The following REC114 variants were observed in gnomAD, a reference collection of about 807,000 sequenced individuals.
The protein encoded by REC114 is meiotic recombination protein REC114.
Under a neutral mutation model 31.3 loss-of-function variants are expected in REC114, and 27 were observed. The ratio of observed to expected loss-of-function variants is 0.86; its 90% CI spans 0.64 to 1.19. The LOEUF (loss-of-function observed/expected upper bound fraction) is 1.19, where lower values mean the gene tolerates loss of function less well. REC114 is among the 50% of genes most tolerant of loss of function. The probability of loss-of-function intolerance (pLI) is 0.00; values close to 1 mark genes in which losing one functional copy is unlikely to be tolerated. For synonymous variants in REC114, 134 were observed against 127.7 expected, an observed-to-expected ratio of 1.05 and a Z score of -0.33; for missense variants, 344 against 326.9, an observed-to-expected ratio of 1.05 and a Z score of -0.40.
intron 5 of REC114, among the ~76,000 whole-genome samples, chr15:73,557,320 T>C (rs939010919): frequency 7.3e-5 from 11 of 151,238 alleles, no homozygotes; most frequent in Non-Finnish European, 1.2e-4. Flanking sequence ...TTCCCCCACC[T>C]TGGGCTCCCA....
intron 2 of REC114, among the ~76,000 whole-genome samples, chr15:73,517,475 T>C (rs948092920): frequency 6.6e-6 from 1 of 152,270 alleles, no homozygotes; most frequent in East Asian, 1.9e-4. Flanking sequence ...TTAAAAGATA[T>C]TTAAGAGCAA....
At chr15:73,499,142 A>G (rs934581769) in intron 2 of REC114, among the ~76,000 whole-genome samples, 7 of 152,026 alleles carry the variant, frequency 4.6e-5, no homozygotes, top group African/African-American at 1.7e-4. Context: ...CACTGTAAAG[A>G]AACACCTCTT....
At chr15:73,458,191 C>A (rs1892942906) in intron 1 of REC114, among the ~76,000 whole-genome samples, 2 of 152,162 alleles carry the variant, frequency 1.3e-5, no homozygotes, top group African/African-American at 4.8e-5. Context: ...ATGGAACTTT[C>A]AATTTACAAA....
At chr15:73,500,976 A>G (rs1384697704) in intron 2 of REC114, among the ~76,000 whole-genome samples, 1 of 152,162 alleles carries the variant, frequency 6.6e-6, no homozygotes, top group East Asian at 1.9e-4. Flanking sequence ...GGGAGGAGTC[A>G]TCTGGCTTAC....
chr15:73,448,215 C>T (rs1427229464), intron 1 of REC114, among the ~76,000 whole-genome samples: 1 of 152,136 alleles, frequency 6.6e-6, no homozygotes, highest in Non-Finnish European at 1.5e-5. Flanking sequence ...GCGGGTCCCA[C>T]CCCAACAGAG....
At position 73,469,574 on chromosome 15, in the gene REC114, C is replaced by T. The variant is rs569135654; in HGVS notation, c.160-4258C>T. On this transcript the variant is annotated intron_variant, in intron 1 of 5. Transcript: ENST00000331090. ...CCTCCCAAGCAGCTGGGACTACAGG[C>T]GTGTACCACCGTGCCTGGCTAATTT... Among the ~76,000 whole-genome samples, 9 of 151,428 alleles carry T rather than the reference C, an allele frequency of 5.9e-5. No homozygotes were observed. In the South Asian group the frequency reaches 1.3e-3, roughly 21 times the overall value.
At chr15:73,524,084 C>T (rs1893974939) in intron 2 of REC114, among the ~76,000 whole-genome samples, 1 of 152,120 alleles carries the variant, frequency 6.6e-6, no homozygotes, top group Non-Finnish European at 1.5e-5. Context: ...CCAAAATAAA[C>T]ATCTACTAAC....
intron 2 of REC114, among the ~76,000 whole-genome samples, chr15:73,487,218 T>C (rs1893382831): frequency 6.6e-6 from 1 of 152,220 alleles, no homozygotes. Context: ...CCCAAAATTC[T>C]TGTTCTCACA....
At chr15:73,550,056 C>T (rs774121129) in intron 3 of REC114, among the ~76,000 whole-genome samples, 1 of 152,142 alleles carries the variant, frequency 6.6e-6, no homozygotes, top group African/African-American at 2.4e-5. Context: ...CTGTGCTAAG[C>T]TTAGCATCTA....
intron 1 of REC114, among the ~76,000 whole-genome samples, chr15:73,446,279 G>A (rs1595857145): frequency 6.6e-6 from 1 of 152,180 alleles, no homozygotes; most frequent in Non-Finnish European, 1.5e-5. Context: ...CGTCACATGT[G>A]TGCACACATG....
At chr15:73,459,078 C>T (rs1357934463) in intron 1 of REC114, among the ~76,000 whole-genome samples, 1 of 151,986 alleles carries the variant, frequency 6.6e-6, no homozygotes, top group African/African-American at 2.4e-5. Context: ...TGGCAGATGC[C>T]CCCAAAATAT....
At chr15:73,489,124 G>C (rs1038821986) in intron 2 of REC114, among the ~76,000 whole-genome samples, 71 of 151,984 alleles carry the variant, frequency 4.7e-4, no homozygotes, top group Non-Finnish European at 2.9e-5. Context: ...ATCCTCCATA[G>C]GGAAGGAAAA....
intron 2 of REC114, among the ~76,000 whole-genome samples, chr15:73,538,690 C>T (rs1397162086): frequency 6.6e-6 from 1 of 151,916 alleles, no homozygotes. Flanking sequence ...TCTCTGACCT[C>T]GTGATCCGCC....
At chr15:73,449,464 C>G (rs558690613) in intron 1 of REC114, among the ~76,000 whole-genome samples, 1 of 151,968 alleles carries the variant, frequency 6.6e-6, no homozygotes, top group Admixed American at 6.6e-5. Flanking sequence ...TGAAAAGAAA[C>G]GAACAAAGCC....
intron 3 of REC114, among the ~76,000 whole-genome samples, chr15:73,541,883 TCAAC>T (rs1421742859): frequency 6.6e-6 from 1 of 152,110 alleles, no homozygotes; most frequent in African/African-American, 2.4e-5. Context: ...AAAATAAAAA[TCAAC>T]CATAATTTGA....
chr15:73,460,647 G>A lies in REC114; in HGVS notation c.160-13185G>A, dbSNP rs375338602. Among the ~76,000 whole-genome samples, 8 of 152,162 alleles carry A rather than the reference G, an allele frequency of 5.3e-5. No homozygotes were observed. In the South Asian group the frequency reaches 1.2e-3, roughly 24 times the overall value. ...TGAGAGTTGCAGAGACCTAGGATAG[G>A]TTTGATAATGGGAAGTACCACTTTC... On this transcript the variant is annotated intron_variant, in intron 1 of 5. Transcript: ENST00000331090.
intron 3 of REC114, among the ~76,000 whole-genome samples, chr15:73,541,930 T>C (rs1456883586): frequency 6.6e-6 from 1 of 152,060 alleles, no homozygotes; most frequent in African/African-American, 2.4e-5. Flanking sequence ...ATTCTGAAGG[T>C]TTTACTAAGC....
chr15:73,540,402 C>G (rs943756580), intron 2 of REC114, 83 bp from the exon 3 acceptor site: 11 of 1,005,082 alleles, frequency 1.1e-5, no homozygotes, highest in Non-Finnish European at 1.8e-5. Flanking sequence ...AAATATACAA[C>G]TTTCTAACAG....
intron 2 of REC114, among the ~76,000 whole-genome samples, chr15:73,535,748 A>G (rs1467903530): frequency 6.7e-6 from 1 of 149,068 alleles, no homozygotes; most frequent in East Asian, 2.0e-4. Context: ...ACAAAGCTGG[A>G]GGCATCACAC....
Sources: gnomAD v4.1 joint callset for allele counts (sites outside exome capture counted in the v4.1 genomes callset) on GRCh38, gnomAD v4.1.1 for gene constraint, MANE v1.5 for transcripts, NCBI Gene and HGNC (gene_info 2026-07-23, HGNC 2026-07-21) for gene names.